Variants in SGCZ observed in about 807,000 individuals in gnomAD.
The protein encoded by SGCZ is sarcoglycan zeta.
In SGCZ, 40 loss-of-function variants were observed where a neutral mutation model predicts 41.3. The ratio of observed to expected loss-of-function variants is 0.97; its 90% CI spans 0.75 to 1.26. The LOEUF is 1.26. Ranked by LOEUF, SGCZ falls within the 50% of genes most tolerant of loss-of-function variation. SGCZ has a pLI of 0.00. For missense variants in SGCZ, 552 were observed against 369.8 expected (o/e 1.49, Z -4.04); for synonymous variants, 206 against 137.5 (o/e 1.50, Z -3.49).
intron 1 of SGCZ, among the ~76,000 whole-genome samples, chr8:14,698,610 T>C (rs1809038518): frequency 6.6e-6 from 1 of 151,946 alleles, no homozygotes; most frequent in Admixed American, 6.6e-5. Flanking sequence ...TTGCATGTTT[T>C]CTGCATTTAG....
intron 1 of SGCZ, among the ~76,000 whole-genome samples, chr8:15,008,838 G>C (rs937100048): frequency 3.4e-5 from 5 of 146,672 alleles, no homozygotes; most frequent in Non-Finnish European, 6.0e-5. Context: ...GGAGAGAGGG[G>C]AGGGATTAAA....
intron 1 of SGCZ, among the ~76,000 whole-genome samples, chr8:15,006,004 T>C (rs1019105124): frequency 3.9e-5 from 6 of 152,234 alleles, no homozygotes; most frequent in Admixed American, 1.3e-4. Context: ...TTTAAGTGTT[T>C]GGTTCTGTTT....
At position 14,085,917 on chromosome 8, in the gene SGCZ, T is replaced by C. The variant is rs1004382892; in HGVS notation, c.*4526A>G. Among the ~76,000 whole-genome samples, 2 of 151,800 alleles carry C rather than the reference T, an allele frequency of 1.3e-5. No homozygotes were observed. The highest frequency in any genetic ancestry group is 4.8e-5 in the African/African-American group (2 of 41,422). On this transcript the variant is annotated 3_prime_UTR_variant, in exon 8 of 8. Transcript: ENST00000382080. ...AGAGTTAAATACAATAGAAATCCCA[T>C]TCTTTGGTCTTTGACATTTAAACAA...
intron 1 of SGCZ, among the ~76,000 whole-genome samples, chr8:14,717,603 A>G (rs2249793): frequency 1 from 151,740 of 152,172 alleles, 75,656 homozygotes; most frequent in Middle Eastern, 1. Flanking sequence ...TACGGAGCAT[A>G]AAGCCATATG....
At chr8:14,895,617 C>T (rs1323593358) in intron 1 of SGCZ, among the ~76,000 whole-genome samples, 2 of 152,042 alleles carry the variant, frequency 1.3e-5, no homozygotes, top group East Asian at 3.9e-4. Flanking sequence ...CATAACAGAA[C>T]AAAATACAAA....
intron 2 of SGCZ, among the ~76,000 whole-genome samples, chr8:14,436,629 C>T (rs1279470009): frequency 1.3e-5 from 2 of 152,202 alleles, no homozygotes; most frequent in African/African-American, 4.8e-5. Flanking sequence ...CCATTACATT[C>T]TTCACTGTTA....
intron 3 of SGCZ, among the ~76,000 whole-genome samples, chr8:14,318,021 T>G (rs567792263): frequency 9.9e-5 from 15 of 152,000 alleles, no homozygotes; most frequent in Admixed American, 3.9e-4. Context: ...CTTGCAAGTA[T>G]ATCAGTAGAA....
rs146589882 is a variant in SGCZ at position 14,755,528 on chromosome 8, T to A, written c.40-200602A>T. ...ATTGTCTATGATAGTCTTCTTTTAA[T>A]AAGCTCTTAACAACAACTTTTAAAC... is the stretch of plus-strand genomic sequence containing the variant. On this transcript the variant is annotated intron_variant, in intron 1 of 7. Transcript: ENST00000382080. Among the ~76,000 whole-genome samples the A allele has an allele frequency of 5.7e-3, 869 of 152,316 alleles. 1 individual carries two copies. The highest frequency in any genetic ancestry group is 0.011 in the East Asian group (58 of 5,180).
intron 2 of SGCZ, among the ~76,000 whole-genome samples, chr8:14,374,240 G>A (rs1009136518): frequency 2.0e-5 from 3 of 152,242 alleles, no homozygotes; most frequent in African/African-American, 7.2e-5. Flanking sequence ...TTAGCTGGGC[G>A]TGGTGGTGCC....
intron 2 of SGCZ, among the ~76,000 whole-genome samples, chr8:14,350,824 T>C (rs1397804501): frequency 6.6e-6 from 1 of 152,178 alleles, no homozygotes; most frequent in Non-Finnish European, 1.5e-5. Flanking sequence ...AAGGCAAGTG[T>C]ATACCATGAA....
intron 1 of SGCZ, among the ~76,000 whole-genome samples, chr8:14,772,810 C>T (rs531656320): frequency 6.6e-6 from 1 of 152,136 alleles, no homozygotes; most frequent in Admixed American, 6.5e-5. Flanking sequence ...GCCACATTTC[C>T]TTAATCCAGT....
At chr8:14,451,082 T>C (rs1315716186) in intron 2 of SGCZ, among the ~76,000 whole-genome samples, 1 of 152,168 alleles carries the variant, frequency 6.6e-6, no homozygotes, top group Non-Finnish European at 1.5e-5. Flanking sequence ...CAGTTAGCAA[T>C]TTCATAGTTA....
At chr8:15,191,598 T>A (rs1314983715) in intron 1 of SGCZ, among the ~76,000 whole-genome samples, 1 of 152,054 alleles carries the variant, frequency 6.6e-6, no homozygotes. Context: ...ATTTCAGTCA[T>A]CATTATATGA....
intron 1 of SGCZ, among the ~76,000 whole-genome samples, chr8:15,055,442 A>T (rs1804670807): frequency 6.6e-6 from 1 of 152,176 alleles, no homozygotes; most frequent in Non-Finnish European, 1.5e-5. Context: ...GGTCCTAACA[A>T]TGCAGAAACA....
intron 2 of SGCZ, among the ~76,000 whole-genome samples, chr8:14,481,387 A>G (rs761169839): frequency 6.6e-6 from 1 of 152,196 alleles, no homozygotes; most frequent in Admixed American, 6.5e-5. Flanking sequence ...CTCACAATCA[A>G]TGGGGATTAC....
At chr8:14,315,192 C>A (rs1801675432) in intron 3 of SGCZ, among the ~76,000 whole-genome samples, 1 of 152,100 alleles carries the variant, frequency 6.6e-6, no homozygotes, top group African/African-American at 2.4e-5. Flanking sequence ...AGTGAGTCAT[C>A]TGCAAAATGG....
rs370607822 is a variant in SGCZ, at chr8:14,679,443, C to A, written c.40-124517G>T. On this transcript the variant is annotated intron_variant, in intron 1 of 7. Transcript: ENST00000382080. Reference sequence around the variant, plus strand: ...TTGATGATCCTGACCCCGCATAGGCCCAAACTAATATGTGTGTTCGTGTAT... The same window carrying A: ...TTGATGATCCTGACCCCGCATAGGCACAAACTAATATGTGTGTTCGTGTAT... 1.1e-4 allele frequency among the ~76,000 whole-genome samples: 17 copies of A among 151,114 alleles called. No homozygotes were observed. In the East Asian group the frequency reaches 1.4e-3, roughly 12 times the overall value.
At chr8:14,179,649 A>G (rs144360919) in intron 4 of SGCZ, among the ~76,000 whole-genome samples, 8 of 152,276 alleles carry the variant, frequency 5.3e-5, no homozygotes, top group African/African-American at 1.9e-4. Context: ...TGGGAAGGTA[A>G]TCCCCAAAAG....
intron 2 of SGCZ, among the ~76,000 whole-genome samples, chr8:14,512,279 A>T (rs1027608824): frequency 2.6e-5 from 4 of 152,162 alleles, no homozygotes; most frequent in Non-Finnish European, 5.9e-5. Flanking sequence ...TAATGCAAAT[A>T]TAAGAAGATC....
Sources: gnomAD v4.1 joint callset for allele counts (sites outside exome capture counted in the v4.1 genomes callset) on GRCh38, gnomAD v4.1.1 for gene constraint, MANE v1.5 for transcripts, NCBI Gene and HGNC (gene_info 2026-07-23, HGNC 2026-07-21) for gene names.